Variants in KCNIP4 observed in about 807,000 individuals in gnomAD.
The protein encoded by KCNIP4 is potassium voltage-gated channel interacting protein 4, also known as Kv channel-interacting protein 4.
Under a neutral mutation model 34.0 loss-of-function variants are expected in KCNIP4, and 12 were observed. That is an observed-to-expected ratio of 0.35 (90% confidence interval 0.23 to 0.57). The LOEUF (loss-of-function observed/expected upper bound fraction) is 0.57, where lower values mean the gene tolerates loss of function less well. Ranked by LOEUF, KCNIP4 falls within the 20% of genes least tolerant of loss-of-function variation. The pLI, the probability that KCNIP4 is intolerant of heterozygous loss-of-function variation, is 0.83. For missense variants in KCNIP4, 238 were observed against 311.7 expected, an observed-to-expected ratio of 0.76 and a Z score of 1.78; for synonymous variants, 124 against 102.2, an observed-to-expected ratio of 1.21 and a Z score of -1.29.
chr4:21,103,288 G>A (rs888647028), intron 1 of KCNIP4, among the ~76,000 whole-genome samples: 1 of 145,748 alleles, frequency 6.9e-6, no homozygotes, highest in Non-Finnish European at 1.5e-5. Flanking sequence ...ATAATTACAT[G>A]ACATTATATA....
At chr4:21,341,715 G>A (rs931147464) in intron 1 of KCNIP4, among the ~76,000 whole-genome samples, 13 of 152,150 alleles carry the variant, frequency 8.5e-5, no homozygotes, top group Middle Eastern at 6.8e-3. Context: ...CCATTTCTGA[G>A]ATACATGAAT....
intron 1 of KCNIP4, among the ~76,000 whole-genome samples, chr4:21,930,476 A>G (rs1396593251): frequency 6.6e-6 from 1 of 152,112 alleles, no homozygotes; most frequent in African/African-American, 2.4e-5. Flanking sequence ...ATTTTAGTTT[A>G]AACTCCTCAG....
intron 1 of KCNIP4, among the ~76,000 whole-genome samples, chr4:21,680,858 C>T (rs1255033209): frequency 4.6e-5 from 7 of 152,096 alleles, no homozygotes; most frequent in African/African-American, 1.7e-4. Context: ...TTGGTTGTTC[C>T]ATTATTGAGC....
chr4:20,898,030 G>GGTGGACATCATCTAA (rs1437528812), intron 1 of KCNIP4, among the ~76,000 whole-genome samples: 1 of 152,118 alleles, frequency 6.6e-6, no homozygotes, highest in Non-Finnish European at 1.5e-5. Context: ...CACCAGTGTG[G>GGTGGACATCATCTAA]GTGGACATCA....
chr4:21,597,507 G>C (rs1028500078), intron 1 of KCNIP4, among the ~76,000 whole-genome samples: 3 of 152,122 alleles, frequency 2.0e-5, no homozygotes, highest in African/African-American at 7.2e-5. Flanking sequence ...AATTAGCATA[G>C]GATGAAAGCC....
intron 1 of KCNIP4, among the ~76,000 whole-genome samples, chr4:20,956,429 C>T (rs900140243): frequency 5.9e-5 from 9 of 151,736 alleles, no homozygotes; most frequent in South Asian, 4.2e-4. Context: ...GGCATAAACC[C>T]GGGAGGTGGA....
At chr4:21,741,324 G>A (rs887213799) in intron 1 of KCNIP4, among the ~76,000 whole-genome samples, 1 of 152,110 alleles carries the variant, frequency 6.6e-6, no homozygotes, top group Non-Finnish European at 1.5e-5. Context: ...AGGTCTGCAG[G>A]GAACTCAAAT....
chr4:20,790,524 T>C (rs1264988716), intron 3 of KCNIP4, among the ~76,000 whole-genome samples: 2 of 151,810 alleles, frequency 1.3e-5, no homozygotes, highest in Non-Finnish European at 2.9e-5. Context: ...ATATTTTCTT[T>C]CCTCAATTTT....
At chr4:21,404,943 C>A (rs952096303) in intron 1 of KCNIP4, among the ~76,000 whole-genome samples, 1 of 152,072 alleles carries the variant, frequency 6.6e-6, no homozygotes, top group Non-Finnish European at 1.5e-5. Context: ...GCTTTTGAAT[C>A]TTCTCCTAGG....
At chr4:21,167,065 A>C (rs937210742) in intron 1 of KCNIP4, among the ~76,000 whole-genome samples, 1 of 152,210 alleles carries the variant, frequency 6.6e-6, no homozygotes, top group African/African-American at 2.4e-5. Context: ...TGTGCACAGC[A>C]AAACATCTCA....
intron 1 of KCNIP4, among the ~76,000 whole-genome samples, chr4:21,586,586 C>T (rs1297428156): frequency 6.6e-6 from 1 of 151,978 alleles, no homozygotes; most frequent in Non-Finnish European, 1.5e-5. Context: ...AGAAAAGCTC[C>T]AAGATTTAAG....
At chr4:21,394,623 G>T (rs1722832425) in intron 1 of KCNIP4, among the ~76,000 whole-genome samples, 1 of 152,076 alleles carries the variant, frequency 6.6e-6, no homozygotes. Context: ...GCTCGAACAA[G>T]AGCAATATAC....
At chr4:20,919,808 T>C (rs1729215212) in intron 1 of KCNIP4, among the ~76,000 whole-genome samples, 1 of 151,982 alleles carries the variant, frequency 6.6e-6, no homozygotes, top group African/African-American at 2.4e-5. Context: ...TCAATAAATG[T>C]ATTTCTTTAA....
At chr4:21,391,989 A>G (rs1162241435) in intron 1 of KCNIP4, among the ~76,000 whole-genome samples, 1 of 152,210 alleles carries the variant, frequency 6.6e-6, no homozygotes, top group Non-Finnish European at 1.5e-5. Context: ...CAGGGATAGT[A>G]TCATTAACTT....
At chr4:21,795,590 A>T (rs1720570507) in intron 1 of KCNIP4, among the ~76,000 whole-genome samples, 1 of 152,212 alleles carries the variant, frequency 6.6e-6, no homozygotes, top group Non-Finnish European at 1.5e-5. Context: ...TACTCTTCTC[A>T]TTGGAATTGT....
In KCNIP4 at chr4:21,252,369, G is replaced by A. The variant is rs186254515; in HGVS notation, c.62-369660C>T. Among the ~76,000 whole-genome samples, 382 of 151,964 alleles carry A rather than the reference G, an allele frequency of 2.5e-3. 2 individuals are homozygous for A. The highest frequency in any genetic ancestry group is 6.2e-3 in the East Asian group (32 of 5,140). ...TCTCGATCTCCTAACCTCGTGATCC[G>A]CCCGCCTCGGCCTCCCAAAGTACTG... On this transcript the variant is annotated intron_variant, in intron 1 of 8. Coordinates refer to ENST00000382152, the MANE Select transcript of KCNIP4 (RefSeq NM_025221.6).
At chr4:21,154,805 T>A (rs1453646958) in intron 1 of KCNIP4, among the ~76,000 whole-genome samples, 1 of 152,198 alleles carries the variant, frequency 6.6e-6, no homozygotes, top group Non-Finnish European at 1.5e-5. Context: ...TGACTTTTCC[T>A]CTTTTTGTCT....
intron 5 of KCNIP4, among the ~76,000 whole-genome samples, chr4:20,735,496 A>C (rs1461752289): frequency 1.3e-5 from 2 of 150,998 alleles, no homozygotes; most frequent in African/African-American, 2.4e-5. Context: ...TGGCCAGATT[A>C]ACTTGATTAA....
chr4:20,888,461 C>T (rs899048845), intron 1 of KCNIP4, among the ~76,000 whole-genome samples: 4 of 151,752 alleles, frequency 2.6e-5, no homozygotes, highest in African/African-American at 9.7e-5. Context: ...TGAAGCGATC[C>T]CTAAATAGAT....
Sources: allele counts gnomAD v4.1 joint callset (sites outside exome capture counted in the v4.1 genomes callset), GRCh38; gene constraint gnomAD v4.1.1; transcripts MANE v1.5; gene names NCBI Gene and HGNC (gene_info 2026-07-23, HGNC 2026-07-21).